FMNL3: variants seen among roughly 807,000 people sequenced by gnomAD.
FMNL3 encodes formin like 3, also known as formin-like protein 3.
In FMNL3, 57 loss-of-function variants were observed where a neutral mutation model predicts 119.6. That is an observed-to-expected ratio of 0.48 (90% CI 0.39 to 0.59). FMNL3 has a LOEUF of 0.59. Among genes scored for constraint, FMNL3 ranks in the 20% least tolerant of loss-of-function variants. The probability of loss-of-function intolerance (pLI) is 0.00; values close to 1 mark genes in which losing one functional copy is unlikely to be tolerated. For missense variants in FMNL3, 1,053 were observed against 1,323.5 expected (o/e 0.80, Z 3.17); for synonymous variants, 491 against 507.3 (o/e 0.97, Z 0.43).
At chr12:49,666,289 G>A in intron 2 of FMNL3, 82 bp from the exon 3 acceptor site, 1 of 1,260,296 alleles carries the variant, frequency 7.9e-7, no homozygotes, top group Non-Finnish European at 1.1e-6. Flanking sequence ...AGCATTCATA[G>A]TGTTCAGTGT....
At chr12:49,666,011 A>G (rs1041440288) in intron 3 of FMNL3, 103 bp from the exon 4 acceptor site, 24 of 1,544,250 alleles carry the variant, frequency 1.6e-5, no homozygotes, top group Non-Finnish European at 2.0e-5. Context: ...GAACCCTGAA[A>G]TCCAACTCCC....
chr12:49,694,811 C>G (rs1944708694), intron 1 of FMNL3, among the ~76,000 whole-genome samples: 1 of 151,908 alleles, frequency 6.6e-6, no homozygotes, highest in African/African-American at 2.4e-5. Flanking sequence ...ACTCAGGAGG[C>G]TGAGGCAGGA....
In FMNL3 at chr12:49,645,521, G is replaced by C. The variant is rs1943145442; in HGVS notation, c.*294C>G. On this transcript the variant is annotated 3_prime_UTR_variant, in exon 26 of 26. Transcript: ENST00000335154. The stretch of plus-strand genomic sequence containing the variant: ...GGGCTCTAGTGGGAGAGATCTATGT[G>C]CCCTGTTTAGGCTAAGGCTGGAAAT... 7.3e-5 allele frequency: 29 copies of C among 395,148 alleles called. No individual in the cohort carries two copies. The East Asian group carries it at 1.4e-3, about 19-fold the overall frequency. The allele number at this position is 395,148 out of a possible 1,614,324, so 24.5% of individuals were successfully genotyped here. A position where few individuals can be genotyped will look rare whatever the true frequency, so the allele number is the denominator to read the frequency against.
Position 49,646,976 on chromosome 12 carries a change from CCT to C in FMNL3, c.2903_2904del (p.Gln968ArgfsTer19). The C allele has an allele frequency of 1.2e-6, 2 of 1,614,106 alleles. No individual in the cohort carries two copies. The highest frequency in any genetic ancestry group is 1.7e-6 in the Non-Finnish European group (2 of 1,179,996). On this transcript the variant is annotated frameshift_variant, in exon 25 of 26. Coordinates refer to ENST00000335154, the MANE Select transcript of FMNL3 (RefSeq NM_175736.5). LOFTEE classifies it high-confidence loss of function. ...TPSQRNKWQQ[Q>X]ELIAELRRRQ... The stretch of plus-strand genomic sequence containing the variant: ...CGCCGCCTCAACTCTGCTATTAACT[CCT>C]GCTGTTGCCACTTGTTCCGCTGGGA...
intron 16 of FMNL3, 60 bp downstream of exon 16, chr12:49,651,108 C>G: frequency 4.4e-6 from 7 of 1,591,412 alleles, no homozygotes; most frequent in Middle Eastern, 1.7e-4. Context: ...AGAATCTCCT[C>G]AAAAGGCAAC....
chr12:49,658,456 G>C lies in FMNL3; in HGVS notation c.591C>G (p.Arg197=), dbSNP rs750744689. The C allele has an allele frequency of 2.5e-6, 4 of 1,607,790 alleles. No individual in the cohort carries two copies. The highest frequency in any genetic ancestry group is 1.7e-5 in the Admixed American group (1 of 59,520). The part of the protein sequence containing the change: ...PFTNSLARSA[R]QSVLRYSTLP... ...AGCACACATACCGGAGCACAGACTG[G>C]CGCGCAGAGCGAGCGAGGCTGTTGG... is the stretch of plus-strand genomic sequence containing the variant. Residue 197 remains arginine (R), a synonymous_variant, in exon 6 of 26, where the codon CGC becomes CGG. Coordinates refer to ENST00000335154, the MANE Select transcript of FMNL3 (RefSeq NM_175736.5).
Position 49,643,449 on chromosome 12 carries a change from G to A in FMNL3, c.*2366C>T. The A allele has an allele frequency of 1.3e-6, 2 of 1,519,952 alleles. No homozygotes were observed. Among genetic ancestry groups the A allele is most frequent in the South Asian group, 1.3e-5 (1 of 75,404 alleles). The allele number at this position is 1,519,952 out of a possible 1,614,324, so 94.2% of individuals were successfully genotyped here. A position where few individuals can be genotyped will look rare whatever the true frequency, so the allele number is the denominator to read the frequency against. ...CTGGAGAACTGTTGTCCCAGACTGA[G>A]AGGATGCCCTCCACAAGCCCCAGCT... On this transcript the variant is annotated 3_prime_UTR_variant, in exon 26 of 26. Transcript: ENST00000335154.
chr12:49,693,633 TTGG>T (rs1425553070), intron 1 of FMNL3, among the ~76,000 whole-genome samples: 4 of 80,162 alleles, frequency 5.0e-5, no homozygotes, highest in Admixed American at 1.2e-4. Flanking sequence ...CCTCCCAATC[TTGG>T]TTTTTTTTTT....
rs1943341001 is a variant in FMNL3 at position 49,649,916 on chromosome 12, C to T, written c.2010G>A (p.Leu670=). ...EICRAIHTFD[L]QTLPVDFVEC... is the part of the protein sequence containing the mutation. Reference sequence around the variant, plus strand: ...CCACGAAGTCCACAGGTAGTGTCTGCAAGTCAAACCTGTGGAGGAGGGAGG... The same window carrying T: ...CCACGAAGTCCACAGGTAGTGTCTGTAAGTCAAACCTGTGGAGGAGGGAGG... The change falls in exon 18 of 26, where the codon TTG becomes TTA. Residue 670 remains leucine, a synonymous_variant. Coordinates refer to ENST00000335154, the MANE Select transcript of FMNL3 (RefSeq NM_175736.5). The surrounding 1 kb of genome is among the most constrained non-coding windows in gnomAD (Gnocchi z 5.6). 6.8e-6 allele frequency: 11 copies of T among 1,613,190 alleles called. No homozygotes were observed. Among genetic ancestry groups the T allele is most frequent in the Non-Finnish European group, 9.3e-6 (11 of 1,179,746 alleles).
intron 1 of FMNL3, among the ~76,000 whole-genome samples, chr12:49,700,185 G>C (rs1025352852): frequency 2.6e-5 from 4 of 152,010 alleles, no homozygotes; most frequent in African/African-American, 9.7e-5. Context: ...GAGGTCAGGA[G>C]ATTGAGACCA....
In FMNL3 at chr12:49,656,357, T is replaced by A. The variant is rs775538906; in HGVS notation, c.885+47A>T. 72 of 1,508,156 alleles carry A rather than the reference T, an allele frequency of 4.8e-5. No individual in the cohort carries two copies. In the Middle Eastern group the frequency reaches 6.0e-4, roughly 13 times the overall value. The allele number at this position is 1,508,156 out of a possible 1,614,324, so 93.4% of individuals were successfully genotyped here. ...TGCTTACCAACCTAGCTCCCTGCCT[T>A]CTCCCCCGCAAACACACACACACAC... On this transcript the variant is annotated intron_variant, in intron 9 of 25. Transcript: ENST00000335154.
chr12:49,699,188 C>G (rs965836071), intron 1 of FMNL3, among the ~76,000 whole-genome samples: 2 of 152,106 alleles, frequency 1.3e-5, no homozygotes. Context: ...GTCTGGCAGA[C>G]CAGATGACAC....
chr12:49,690,227 C>G (rs1944566507), intron 1 of FMNL3, among the ~76,000 whole-genome samples: 1 of 152,150 alleles, frequency 6.6e-6, no homozygotes, highest in Non-Finnish European at 1.5e-5. Flanking sequence ...ACTCAGATAG[C>G]AAGCATTATC....
rs565537155 is a variant in FMNL3, at chr12:49,643,122, T to G, written c.*2693A>C. On this transcript the variant is annotated 3_prime_UTR_variant, in exon 26 of 26. Transcript: ENST00000335154. ...TCTCCCTTGGAGGGAAGTTTGAGGA[T>G]TCCTTTGGCCCTGGGTCCTCCTCCT... is the stretch of plus-strand genomic sequence containing the variant. The G allele has an allele frequency of 2.4e-5, 38 of 1,585,800 alleles. No individual in the cohort carries two copies. The African/African-American group carries it at 3.8e-4, about 16-fold the overall frequency.
chr12:49,686,962 T>C (rs1944479780), intron 1 of FMNL3, among the ~76,000 whole-genome samples: 1 of 152,116 alleles, frequency 6.6e-6, no homozygotes, highest in Non-Finnish European at 1.5e-5. Context: ...TGCACTGCCA[T>C]AGGGAGCCCC....
intron 5 of FMNL3, among the ~76,000 whole-genome samples, chr12:49,661,159 G>C (rs553536985): frequency 2.1e-4 from 32 of 152,278 alleles, no homozygotes; most frequent in African/African-American, 7.2e-4. Flanking sequence ...TTGTGGTAGG[G>C]TATGCCACTT....
Position 49,645,763 on chromosome 12 carries a change from G to T in FMNL3, c.*52C>A. 6.6e-7 allele frequency: 1 copy of T among 1,507,152 alleles called. No homozygotes were observed. Among genetic ancestry groups the T allele is most frequent in the Non-Finnish European group, 9.0e-7 (1 of 1,107,758 alleles). The allele number at this position is 1,507,152 out of a possible 1,614,324, so 93.4% of individuals were successfully genotyped here. ...CCCTTGGCCAATTCCAGGTCCACTG[G>T]TTGGACTTGTAGGACTCTGAGGGGT... On this transcript the variant is annotated 3_prime_UTR_variant, in exon 26 of 26. Transcript: ENST00000335154.
chr12:49,672,041 T>A (rs1166341129), intron 1 of FMNL3, among the ~76,000 whole-genome samples: 1 of 152,214 alleles, frequency 6.6e-6, no homozygotes, highest in African/African-American at 2.4e-5. Flanking sequence ...TCTGTATGTG[T>A]CTGGAACACT....
chr12:49,661,719 CAT>C (rs1419395252), intron 5 of FMNL3: 1 of 458,428 alleles, frequency 2.2e-6, no homozygotes, highest in Non-Finnish European at 3.9e-6. Flanking sequence ...GCTCCCTTTC[CAT>C]CTCTCTGTCC....
Sources: gnomAD v4.1 joint callset for allele counts (sites outside exome capture counted in the v4.1 genomes callset) on GRCh38, gnomAD v4.1.1 for gene constraint, Gnocchi (gnomAD v3.1) non-coding constraint, MANE v1.5 for transcripts, NCBI Gene and HGNC (gene_info 2026-07-23, HGNC 2026-07-21) for gene names.